The following EPS15L1 variants were observed in gnomAD, a reference collection of about 807,000 sequenced individuals.
EPS15L1 encodes the protein epidermal growth factor receptor pathway substrate 15 like 1, also known as epidermal growth factor receptor substrate 15-like 1.
EPS15L1 carries 43 observed loss-of-function variants against 117.1 expected under a neutral mutation model. That is an observed-to-expected ratio of 0.37 (90% CI 0.29 to 0.47). The LOEUF (loss-of-function observed/expected upper bound fraction) is 0.47. EPS15L1 is among the 20% of genes least tolerant of loss of function. The pLI is 0.99. For synonymous variants in EPS15L1, 459 were observed against 470.5 expected (o/e 0.98, Z 0.32); for missense variants, 981 against 1,164.0 (o/e 0.84, Z 2.29).
At chr19:16,391,228 T>C (rs2092471078) in intron 19 of EPS15L1, among the ~76,000 whole-genome samples, 1 of 150,994 alleles carries the variant, frequency 6.6e-6, no homozygotes. Flanking sequence ...AAAATAGAAA[T>C]AGAAAAGAGA....
intron 7 of EPS15L1, among the ~76,000 whole-genome samples, chr19:16,432,484 C>T (rs538410429): frequency 3.5e-4 from 54 of 152,294 alleles, no homozygotes; most frequent in African/African-American, 1.2e-3. Flanking sequence ...AGGAGAACGG[C>T]GTGAACCCAG....
At position 16,433,213 on chromosome 19, in the gene EPS15L1, C is replaced by T. The variant is rs893471285; in HGVS notation, c.498+1152G>A. ...TGCAATCTCAGCTCACTGCAATCTC[C>T]ACCTCCTGGGTTCAAACGATTCTCC... On this transcript the variant is annotated intron_variant, in intron 7 of 23. Coordinates refer to ENST00000455140, the MANE Select transcript of EPS15L1 (RefSeq NM_001258374.3). Among the ~76,000 whole-genome samples, 4 of 152,160 alleles carry T rather than the reference C, an allele frequency of 2.6e-5. 1 individual carries two copies. The highest frequency in any genetic ancestry group is 3.4e-3 in the Middle Eastern group (1 of 294).
intron 13 of EPS15L1, 88 bp downstream of exon 13, chr19:16,413,685 C>A: frequency 9.0e-7 from 1 of 1,117,318 alleles, no homozygotes; most frequent in South Asian, 1.3e-5. Flanking sequence ...CAGACCCCTG[C>A]CCTTCCCCAC....
chr19:16,447,952 G>C (rs2093100383), intron 1 of EPS15L1, among the ~76,000 whole-genome samples: 1 of 152,146 alleles, frequency 6.6e-6, no homozygotes, highest in Non-Finnish European at 1.5e-5. Context: ...GACACACACA[G>C]ATCTGCCCAG....
At chr19:16,411,127 C>T (rs768453932) in intron 13 of EPS15L1, among the ~76,000 whole-genome samples, 7 of 152,064 alleles carry the variant, frequency 4.6e-5, no homozygotes, top group African/African-American at 7.2e-5. Context: ...GGTGTTCGCA[C>T]GAAAACCTGC....
upstream of EPS15L1, chr19:16,471,987 C>T (rs764153572): frequency 4.5e-5 from 56 of 1,255,862 alleles, no homozygotes; most frequent in Non-Finnish European, 1.2e-5. This position sits in a 1 kb window ranked among gnomAD's most constrained non-coding sequence, Gnocchi z 4.8. Context: ...GGAACGGGGG[C>T]GGGGCTGCAG....
intron 16 of EPS15L1, among the ~76,000 whole-genome samples, chr19:16,396,739 G>GT (rs2092544364): frequency 6.6e-6 from 1 of 152,184 alleles, no homozygotes. Context: ...CAAGAAAATT[G>GT]TAACGAGCCA....
chr19:16,369,153 A>G (rs926622275), intron 22 of EPS15L1, among the ~76,000 whole-genome samples: 3 of 152,132 alleles, frequency 2.0e-5, no homozygotes, highest in South Asian at 2.1e-4. Context: ...GTTTTTTACA[A>G]TGTGACACAC....
At chr19:16,429,568 C>T (rs1405327721) in intron 7 of EPS15L1, among the ~76,000 whole-genome samples, 1 of 152,196 alleles carries the variant, frequency 6.6e-6, no homozygotes, top group Non-Finnish European at 1.5e-5. Flanking sequence ...TCAGGCCTCA[C>T]CAGCCCACAC....
intron 16 of EPS15L1, among the ~76,000 whole-genome samples, 194 bp from the exon 17 acceptor site, chr19:16,395,661 A>T (rs1439859463): frequency 6.6e-6 from 1 of 152,110 alleles, no homozygotes; most frequent in Non-Finnish European, 1.5e-5. Flanking sequence ...TTTAAAAATG[A>T]GGCCAGGCAT....
chr19:16,358,976 G>C (rs549230265), intron 23 of EPS15L1, among the ~76,000 whole-genome samples: 1 of 152,322 alleles, frequency 6.6e-6, no homozygotes, highest in East Asian at 1.9e-4. Context: ...AGAGGGAAGA[G>C]GTTTCCCGGG....
At position 16,371,673 on chromosome 19, in the gene EPS15L1, G is replaced by C. The variant is rs2092226994; in HGVS notation, c.2380+5449C>G. ...CAACGCAGGGCCGCGCTGGCAGGAA[G>C]TGGCAAGGGTGGGGCCGGTCGCAGG... On this transcript the variant is annotated intron_variant, in intron 22 of 23. Coordinates refer to ENST00000455140, the MANE Select transcript of EPS15L1 (RefSeq NM_001258374.3). The surrounding 1 kb of genome is among the most constrained non-coding windows in gnomAD (Gnocchi z 4.7). Among the ~76,000 whole-genome samples the C allele has an allele frequency of 6.6e-6, 1 of 152,226 alleles. No individual in the cohort carries two copies. Among genetic ancestry groups the C allele is most frequent in the Admixed American group, 6.5e-5 (1 of 15,284 alleles).
chr19:16,386,855 A>G (rs1376194173), intron 19 of EPS15L1, among the ~76,000 whole-genome samples: 1 of 152,250 alleles, frequency 6.6e-6, no homozygotes, highest in Non-Finnish European at 1.5e-5. Flanking sequence ...CTGCAGTGTG[A>G]GTGGCACCAA....
intron 3 of EPS15L1, chr19:16,441,662 T>C: frequency 3.6e-6 from 1 of 274,830 alleles, no homozygotes; most frequent in Non-Finnish European, 6.8e-6. Context: ...GTCCACAAGC[T>C]ATCAAGACCC....
intron 7 of EPS15L1, among the ~76,000 whole-genome samples, chr19:16,432,905 T>C (rs1165921861): frequency 2.0e-5 from 3 of 150,488 alleles, no homozygotes; most frequent in African/African-American, 7.4e-5. Context: ...CAGGCTCAGG[T>C]GTGATTCTCC....
In EPS15L1 at chr19:16,471,824, G is replaced by A. The variant is rs2093348828; in HGVS notation, c.33+89C>T. 1.5e-6 allele frequency: 1 copy of A among 681,854 alleles called. No homozygotes were observed. Among genetic ancestry groups the A allele is most frequent in the African/African-American group, 1.9e-5 (1 of 52,466 alleles). The allele number at this position is 681,854 out of a possible 1,614,324, so 42.2% of individuals were successfully genotyped here. A position where few individuals can be genotyped will look rare whatever the true frequency, so the allele number is the denominator to read the frequency against. On this transcript the variant is annotated intron_variant, in intron 1 of 23. Coordinates refer to ENST00000455140, the MANE Select transcript of EPS15L1 (RefSeq NM_001258374.3). The surrounding 1 kb of genome is among the most constrained non-coding windows in gnomAD (Gnocchi z 4.8). Reference sequence around the variant, plus strand: ...GCACGCGCCGCCCCCGCCGCCGCCTGGCTGAGTCTCCCAGCGCCTCAGCCT... The same window carrying A: ...GCACGCGCCGCCCCCGCCGCCGCCTAGCTGAGTCTCCCAGCGCCTCAGCCT...
intron 17 of EPS15L1, among the ~76,000 whole-genome samples, chr19:16,394,934 T>C (rs1459733695): frequency 2.0e-5 from 3 of 152,092 alleles, no homozygotes; most frequent in East Asian, 1.9e-4. Flanking sequence ...TTAAAAGGCG[T>C]TCCTGCTGGG....
At chr19:16,402,862 G>C (rs560389121) in intron 15 of EPS15L1, among the ~76,000 whole-genome samples, 111 of 152,198 alleles carry the variant, frequency 7.3e-4, no homozygotes, top group Non-Finnish European at 1.2e-3. Flanking sequence ...TGGGATGACA[G>C]GTGTAAGGCA....
intron 1 of EPS15L1, among the ~76,000 whole-genome samples, chr19:16,445,430 T>C (rs913514114): frequency 2.0e-5 from 3 of 152,038 alleles, no homozygotes; most frequent in Non-Finnish European, 4.4e-5. Context: ...TAATTACACA[T>C]ATGTCAGGTT....
Sources: gnomAD v4.1 joint callset for allele counts (sites outside exome capture counted in the v4.1 genomes callset) on GRCh38, gnomAD v4.1.1 for gene constraint, Gnocchi (gnomAD v3.1) non-coding constraint, MANE v1.5 for transcripts, NCBI Gene and HGNC (gene_info 2026-07-23, HGNC 2026-07-21) for gene names.